Variants in KLHL1 observed in about 807,000 individuals in gnomAD.
KLHL1 encodes kelch-like protein 1.
KLHL1 carries 47 observed loss-of-function variants against 77.7 expected under a neutral mutation model. That is an observed-to-expected ratio of 0.60 (90% CI 0.48 to 0.77). The LOEUF is 0.77. KLHL1 is among the 30% of genes least tolerant of loss of function. KLHL1 has a pLI of 0.00. For synonymous variants in KLHL1, 360 were observed against 325.2 expected, an observed-to-expected ratio of 1.11 and a Z score of -1.15; for missense variants, 925 against 910.8, an observed-to-expected ratio of 1.02 and a Z score of -0.20.
chr13:70,016,028 A>G (rs980210745), intron 1 of KLHL1, among the ~76,000 whole-genome samples: 5 of 152,256 alleles, frequency 3.3e-5, no homozygotes, highest in Non-Finnish European at 7.3e-5. Context: ...TAAAGGTTTT[A>G]TAGCACATTT....
intron 3 of KLHL1, among the ~76,000 whole-genome samples, chr13:69,945,227 C>T (rs903533252): frequency 4.0e-5 from 6 of 151,718 alleles, no homozygotes; most frequent in African/African-American, 1.5e-4. Flanking sequence ...CCTGTCTTGG[C>T]CTCCCAAAGT....
intron 3 of KLHL1, among the ~76,000 whole-genome samples, chr13:69,949,283 T>A (rs985445586): frequency 1.1e-4 from 16 of 151,792 alleles, no homozygotes; most frequent in African/African-American, 3.9e-4. Context: ...TCATTCTGTC[T>A]CTTTAGGCAA....
chr13:69,888,655 T>G (rs1881308169), intron 4 of KLHL1, among the ~76,000 whole-genome samples: 1 of 152,034 alleles, frequency 6.6e-6, no homozygotes, highest in South Asian at 2.1e-4. Context: ...CCAGACACTT[T>G]AGGAAAAAAC....
intron 1 of KLHL1, among the ~76,000 whole-genome samples, chr13:70,036,600 C>T (rs1373342945): frequency 1.3e-5 from 2 of 151,778 alleles, no homozygotes; most frequent in African/African-American, 4.8e-5. Flanking sequence ...ACGTATTTAC[C>T]TTCAACTTGC....
At chr13:69,913,961 T>G (rs1280739761) in intron 4 of KLHL1, among the ~76,000 whole-genome samples, 1 of 152,170 alleles carries the variant, frequency 6.6e-6, no homozygotes, top group African/African-American at 2.4e-5. Context: ...CACAATCTAA[T>G]CAACTGCCAG....
chr13:70,001,628 T>G (rs887499191), intron 1 of KLHL1, among the ~76,000 whole-genome samples: 47 of 150,820 alleles, frequency 3.1e-4, no homozygotes, highest in Non-Finnish European at 5.9e-4. Context: ...CCTATCATCT[T>G]TCTACTGAAA....
chr13:69,974,012 T>G (rs1456704152), intron 2 of KLHL1, among the ~76,000 whole-genome samples: 1 of 151,952 alleles, frequency 6.6e-6, no homozygotes, highest in Admixed American at 6.6e-5. Context: ...ATGAAAACTT[T>G]CCCCTGGTCT....
chr13:70,047,924 C>T (rs1000233518), intron 1 of KLHL1, among the ~76,000 whole-genome samples: 1 of 152,134 alleles, frequency 6.6e-6, no homozygotes, highest in African/African-American at 2.4e-5. Context: ...TTGGATATGA[C>T]ATTTAGTATC....
chr13:69,907,015 A>G (rs1222672243), intron 4 of KLHL1, among the ~76,000 whole-genome samples: 1 of 151,950 alleles, frequency 6.6e-6, no homozygotes, highest in Admixed American at 6.6e-5. Flanking sequence ...ATTGTCTATG[A>G]TTTTCAAACT....
At chr13:69,968,775 T>C (rs925389157) in intron 2 of KLHL1, among the ~76,000 whole-genome samples, 11 of 152,188 alleles carry the variant, frequency 7.2e-5, no homozygotes, top group African/African-American at 2.6e-4. Context: ...TGCATAGTAT[T>C]CCATGGTGTA....
intron 1 of KLHL1, among the ~76,000 whole-genome samples, chr13:70,100,053 T>C (rs1219196705): frequency 6.6e-6 from 1 of 152,024 alleles, no homozygotes; most frequent in African/African-American, 2.4e-5. Flanking sequence ...ATTTTTAGAA[T>C]AAACTCATCA....
At chr13:70,006,892 T>C (rs1885420538) in intron 1 of KLHL1, among the ~76,000 whole-genome samples, 1 of 152,074 alleles carries the variant, frequency 6.6e-6, no homozygotes, top group South Asian at 2.1e-4. Context: ...TCATACAATG[T>C]TTTTAAGTTA....
chr13:69,700,860 T>C lies in KLHL1; in HGVS notation c.*842A>G, dbSNP rs908191260. On this transcript the variant is annotated 3_prime_UTR_variant, in exon 11 of 11. Coordinates refer to ENST00000377844, the MANE Select transcript of KLHL1 (RefSeq NM_020866.3). Reference sequence around the variant, plus strand: ...CTAAGTTTGTTTAAGAACAAAATTCTAAAGGAGTTCAACATGCAATGGATA... The same window carrying C: ...CTAAGTTTGTTTAAGAACAAAATTCCAAAGGAGTTCAACATGCAATGGATA... 4 of 152,332 alleles carry C rather than the reference T, an allele frequency of 2.6e-5. No homozygotes were observed. The Admixed American group carries it at 2.6e-4, about 10-fold the overall frequency. 9.4% of individuals were successfully genotyped at this position (152,332 alleles called of 1,614,324 possible).
chr13:69,997,904 G>T (rs1238758187), intron 1 of KLHL1, among the ~76,000 whole-genome samples: 1 of 151,364 alleles, frequency 6.6e-6, no homozygotes, highest in Non-Finnish European at 1.5e-5. Flanking sequence ...AAATAATAGT[G>T]CAATAAACAT....
chr13:69,954,306 G>A (rs1485701768), intron 3 of KLHL1, among the ~76,000 whole-genome samples: 2 of 151,206 alleles, frequency 1.3e-5, no homozygotes, highest in African/African-American at 2.4e-5. Flanking sequence ...TATTTTGAAA[G>A]TACAGGTGGA....
intron 7 of KLHL1, among the ~76,000 whole-genome samples, chr13:69,743,824 GAA>G (rs10608243): frequency 0.016 from 2,178 of 134,824 alleles, 33 homozygotes; most frequent in African/African-American, 0.039. Flanking sequence ...CAAAAAAACA[GAA>G]AAAAAAAAAA....
chr13:69,880,260 G>A (rs916108440), intron 5 of KLHL1, among the ~76,000 whole-genome samples: 4 of 152,084 alleles, frequency 2.6e-5, no homozygotes, highest in Non-Finnish European at 4.4e-5. Flanking sequence ...AGAAATATAT[G>A]TAATATGCTT....
intron 5 of KLHL1, among the ~76,000 whole-genome samples, chr13:69,852,467 C>T (rs1013135206): frequency 1.5e-4 from 23 of 151,846 alleles, no homozygotes; most frequent in Admixed American, 9.2e-4. Flanking sequence ...ATGACGTGGA[C>T]CTAGTGTTAA....
chr13:69,805,649 A>G (rs1877584670), intron 6 of KLHL1, among the ~76,000 whole-genome samples: 1 of 151,574 alleles, frequency 6.6e-6, no homozygotes, highest in Non-Finnish European at 1.5e-5. Flanking sequence ...CAATCTAAAA[A>G]TAAAATTAGC....
Sources: allele counts gnomAD v4.1 joint callset (sites outside exome capture counted in the v4.1 genomes callset), GRCh38; gene constraint gnomAD v4.1.1; transcripts MANE v1.5; gene names NCBI Gene and HGNC (gene_info 2026-07-23, HGNC 2026-07-21).